Variants in ATP6V1C2 observed in about 807,000 individuals in gnomAD.
ATP6V1C2 encodes the protein V-type proton ATPase subunit C 2.
Under a neutral mutation model 56.8 loss-of-function variants are expected in ATP6V1C2, and 45 were observed. The ratio of observed to expected loss-of-function variants is 0.79; its 90% CI spans 0.62 to 1.02. ATP6V1C2 has a LOEUF of 1.02. Among genes scored for constraint, ATP6V1C2 ranks in the 50% least tolerant of loss-of-function variants. The pLI is 0.00. For missense variants in ATP6V1C2, 463 were observed against 519.7 expected, an observed-to-expected ratio of 0.89 and a Z score of 1.06; for synonymous variants, 220 against 201.3, an observed-to-expected ratio of 1.09 and a Z score of -0.79.
chr2:10,757,222 G>A (rs1663609866), intron 4 of ATP6V1C2, among the ~76,000 whole-genome samples: 1 of 151,822 alleles, frequency 6.6e-6, no homozygotes, highest in African/African-American at 2.4e-5. Flanking sequence ...CACGCTGGCC[G>A]GGCTGGTCTT....
intron 5 of ATP6V1C2, among the ~76,000 whole-genome samples, chr2:10,766,233 G>A (rs1376942533): frequency 6.6e-5 from 10 of 152,136 alleles, no homozygotes; most frequent in Non-Finnish European, 5.9e-5. Flanking sequence ...CAGAGGCTCC[G>A]GGGTGTTGTC....
intron 8 of ATP6V1C2, among the ~76,000 whole-genome samples, chr2:10,772,956 C>T (rs1334918048): frequency 6.6e-6 from 1 of 152,222 alleles, no homozygotes; most frequent in Non-Finnish European, 1.5e-5. Context: ...CCAGCCCTGG[C>T]CTAAGTGGCT....
At chr2:10,742,802 G>A (rs1347759549) in intron 3 of ATP6V1C2, among the ~76,000 whole-genome samples, 1 of 152,162 alleles carries the variant, frequency 6.6e-6, no homozygotes, top group Non-Finnish European at 1.5e-5. Flanking sequence ...TTGTGGAAAG[G>A]AAGGAAAGGG....
chr2:10,728,572 C>T (rs1661774908), intron 3 of ATP6V1C2, among the ~76,000 whole-genome samples: 1 of 151,828 alleles, frequency 6.6e-6, no homozygotes, highest in South Asian at 2.1e-4. Context: ...TCCAGGAGTT[C>T]GAGACCAGCC....
At chr2:10,726,607 T>C in intron 3 of ATP6V1C2, 38 bp downstream of exon 3, 1 of 1,545,466 alleles carries the variant, frequency 6.5e-7, no homozygotes, top group East Asian at 2.2e-5. Flanking sequence ...AAGTGAGAAT[T>C]TGACATTGTT....
At chr2:10,737,381 C>G (rs1662310818) in intron 3 of ATP6V1C2, among the ~76,000 whole-genome samples, 1 of 149,942 alleles carries the variant, frequency 6.7e-6, no homozygotes, top group South Asian at 2.1e-4. Flanking sequence ...GGAGATCACG[C>G]CACTGTACTC....
At chr2:10,728,150 T>C (rs954368622) in intron 3 of ATP6V1C2, among the ~76,000 whole-genome samples, 1 of 152,186 alleles carries the variant, frequency 6.6e-6, no homozygotes, top group African/African-American at 2.4e-5. Context: ...GGTGCAATCA[T>C]AGCTCAGTGC....
intron 3 of ATP6V1C2, among the ~76,000 whole-genome samples, chr2:10,730,880 C>G (rs924980605): frequency 6.6e-6 from 1 of 151,862 alleles, no homozygotes; most frequent in African/African-American, 2.4e-5. Flanking sequence ...CTCAAACTCC[C>G]GATCTCAGGT....
intron 5 of ATP6V1C2, among the ~76,000 whole-genome samples, chr2:10,766,446 G>A (rs940038078): frequency 1.3e-5 from 2 of 152,180 alleles, no homozygotes; most frequent in African/African-American, 4.8e-5. Context: ...AGTCAGAACT[G>A]GCATTTAAAT....
chr2:10,736,762 A>T, intron 3 of ATP6V1C2, among the ~76,000 whole-genome samples: 1 of 136,230 alleles, frequency 7.3e-6, no homozygotes, highest in East Asian at 2.1e-4. Context: ...TTAAATTTTG[A>T]TATGTGGTAT....
chr2:10,782,338 G>A lies in ATP6V1C2; in HGVS notation c.1157G>A (p.Arg386Gln), dbSNP rs1179657289. Residue 386 changes from arginine to glutamine, a missense_variant, in exon 13 of 14, where the codon CGA becomes CAA. By Grantham distance (43) the Arg-to-Gln change is conservative. Coordinates refer to ENST00000272238, the MANE Select transcript of ATP6V1C2 (RefSeq NM_001039362.2). ...RLREVLNSVF[R>Q]HLDEVAATSI... ...AGAGAGGTTCTAAACTCTGTCTTCC[G>A]ACATCTGGATGAAGTAGCCGCTACA... 3.1e-5 allele frequency: 50 copies of A among 1,614,038 alleles called. No individual in the cohort carries two copies. Among genetic ancestry groups the A allele is most frequent in the Non-Finnish European group, 3.9e-5 (46 of 1,180,034 alleles).
chr2:10,728,793 A>T (rs1661791448), intron 3 of ATP6V1C2, among the ~76,000 whole-genome samples: 1 of 150,710 alleles, frequency 6.6e-6, no homozygotes, highest in Non-Finnish European at 1.5e-5. Context: ...AAAAAAAAAA[A>T]AGTGTATGAG....
chr2:10,757,437 A>C, intron 4 of ATP6V1C2: 1 of 398,656 alleles, frequency 2.5e-6, no homozygotes, highest in East Asian at 3.6e-5. Context: ...GCTTGAAAGG[A>C]AAAATGAAAT....
chr2:10,766,403 A>C (rs1163677017), intron 5 of ATP6V1C2, among the ~76,000 whole-genome samples: 1 of 152,194 alleles, frequency 6.6e-6, no homozygotes, highest in Non-Finnish European at 1.5e-5. Flanking sequence ...CAGAGAGGTC[A>C]AGGAGCTTAT....
At chr2:10,761,168 A>G (rs1047366247) in intron 4 of ATP6V1C2, among the ~76,000 whole-genome samples, 4 of 152,098 alleles carry the variant, frequency 2.6e-5, no homozygotes, top group African/African-American at 2.4e-5. Flanking sequence ...CTGTGAGAGG[A>G]GAGTAGGGAG....
chr2:10,760,695 G>A (rs921536611), intron 4 of ATP6V1C2, among the ~76,000 whole-genome samples: 9 of 152,222 alleles, frequency 5.9e-5, no homozygotes, highest in African/African-American at 2.2e-4. Context: ...GGGGCTCATA[G>A]TGCCACATGC....
intron 2 of ATP6V1C2, 41 bp downstream of exon 2, chr2:10,723,019 C>CAGGGGGAGACAGG (rs777098102): frequency 3.1e-6 from 5 of 1,608,450 alleles, no homozygotes; most frequent in Non-Finnish European, 3.4e-6. Context: ...ATGGATTGGT[C>CAGGGGGAGACAGG]AGGGGGAGAC....
intron 3 of ATP6V1C2, among the ~76,000 whole-genome samples, chr2:10,728,310 C>T (rs1661758371): frequency 6.6e-6 from 1 of 152,206 alleles, no homozygotes; most frequent in Non-Finnish European, 1.5e-5. Context: ...CCTTGAACTC[C>T]TGGCCTCAAG....
chr2:10,776,715 C>T (rs113033970), intron 10 of ATP6V1C2, among the ~76,000 whole-genome samples: 3,119 of 152,262 alleles, frequency 0.02, 122 homozygotes, highest in African/African-American at 0.071. Flanking sequence ...GGACAGGTGG[C>T]GAAGCAGGGC....
Sources: gnomAD v4.1 joint callset for allele counts (sites outside exome capture counted in the v4.1 genomes callset) on GRCh38, gnomAD v4.1.1 for gene constraint, MANE v1.5 for transcripts, NCBI Gene and HGNC (gene_info 2026-07-23, HGNC 2026-07-21) for gene names.